Variants in TECTA observed in about 807,000 individuals in gnomAD.
TECTA encodes the protein tectorin alpha.
A neutral mutation model predicts 216.8 loss-of-function variants in TECTA; 128 were observed. The observed-to-expected ratio is 0.59, with a 90% confidence interval of 0.51 to 0.68. The LOEUF is 0.68. Among genes scored for constraint, TECTA ranks in the 30% least tolerant of loss-of-function variants. The pLI, the probability that TECTA is intolerant of heterozygous loss-of-function variation, is 0.00. For synonymous variants in TECTA, 1,089 were observed against 1,117.1 expected (o/e 0.97, Z 0.50); for missense variants, 2,551 against 2,786.2 (o/e 0.92, Z 1.90).
intron 2 of TECTA, among the ~76,000 whole-genome samples, chr11:121,104,967 C>A (rs1490319393): frequency 1.3e-5 from 2 of 152,228 alleles, no homozygotes. Context: ...TTCACAGATG[C>A]TATTGGACTT....
Position 121,118,577 on chromosome 11 carries a change from G to A in TECTA, c.1062G>A (p.Gln354=), listed in dbSNP as rs1266513938. ...CAYLLARQCL[Q]TSSLPFFSVE... is the part of the protein sequence containing the mutation. ...ACTTGCTGGCCCGACAGTGTTTGCA[G>A]ACTTCCAGCCTCCCTTTCTTCAGTG... is the stretch of plus-strand genomic sequence containing the variant. The change falls in exon 7 of 24, where the codon CAG becomes CAA. Residue 354 remains glutamine, a synonymous_variant. Coordinates refer to ENST00000392793, the MANE Select transcript of TECTA (RefSeq NM_005422.4). 8.7e-6 allele frequency: 14 copies of A among 1,614,164 alleles called. No individual in the cohort carries two copies. Among genetic ancestry groups the A allele is most frequent in the Non-Finnish European group, 1.2e-5 (14 of 1,180,040 alleles).
intron 2 of TECTA, among the ~76,000 whole-genome samples, chr11:121,103,955 G>T (rs1946369128): frequency 1.3e-5 from 2 of 152,172 alleles, no homozygotes. Context: ...CACCTTTGCA[G>T]CAGAAGAGGA....
intron 6 of TECTA, among the ~76,000 whole-genome samples, chr11:121,115,161 C>G (rs1199199160): frequency 6.7e-6 from 1 of 149,690 alleles, no homozygotes; most frequent in East Asian, 2.0e-4. Context: ...ACCCATTCAC[C>G]CACCCATCCA....
intron 12 of TECTA, among the ~76,000 whole-genome samples, chr11:121,151,364 A>T (rs1027027741): frequency 6.6e-6 from 1 of 152,236 alleles, no homozygotes; most frequent in Non-Finnish European, 1.5e-5. Flanking sequence ...TGTTCACTGC[A>T]GCATCAGCAT....
chr11:121,136,502 A>T (rs1212658761), intron 10 of TECTA, among the ~76,000 whole-genome samples: 2 of 152,202 alleles, frequency 1.3e-5, no homozygotes, highest in African/African-American at 4.8e-5. Flanking sequence ...GCCAATTTGC[A>T]GAGTAAAAAT....
At position 121,105,718 on chromosome 11, in the gene TECTA, C is replaced by T. The variant is rs1946383856; in HGVS notation, c.65-113C>T. The T allele has an allele frequency of 4.4e-6, 6 of 1,366,710 alleles. No individual in the cohort carries two copies. The highest frequency in any genetic ancestry group is 5.1e-6 in the Non-Finnish European group (5 of 982,144). The allele number at this position is 1,366,710 out of a possible 1,614,324, so 84.7% of individuals were successfully genotyped here. A position where few individuals can be genotyped will look rare whatever the true frequency, so the allele number is the denominator to read the frequency against. On this transcript the variant is annotated intron_variant, in intron 2 of 23. Coordinates refer to ENST00000392793, the MANE Select transcript of TECTA (RefSeq NM_005422.4). This position sits in a 1 kb window ranked among gnomAD's most constrained non-coding sequence, Gnocchi z 5.3. ...ATGAATGACAGGGCAGTATGACTTG[C>T]ATTCAGCTTGCAAGCCCTACTGAAA...
intron 11 of TECTA, among the ~76,000 whole-genome samples, chr11:121,142,759 G>T (rs1006353749): frequency 3.3e-5 from 5 of 152,090 alleles, no homozygotes; most frequent in African/African-American, 1.2e-4. Flanking sequence ...GACTGTCACT[G>T]CACCTCTCCA....
At chr11:121,188,289 A>G (rs1194397167) in intron 21 of TECTA, among the ~76,000 whole-genome samples, 1 of 152,188 alleles carries the variant, frequency 6.6e-6, no homozygotes, top group Non-Finnish European at 1.5e-5. Context: ...TGTTCTGTGC[A>G]CTGTAGGATG....
At position 121,166,680 on chromosome 11, in the gene TECTA, G is replaced by A. The variant is rs1450140431; in HGVS notation, c.5486G>A (p.Gly1829Asp). ...KLFQLGFERE[G>D]VRINDRQCTG... is the part of the protein sequence containing the mutation. ...TTCCAGCTCGGTTTTGAGAGGGAGG[G>A]CGTGAGGATCAATGACAGACAGTGC... The change falls in exon 18 of 24, where the codon GGC (glycine) becomes GAC (aspartate). Residue 1829 changes from glycine (G) to aspartate (D), a missense_variant. This residue lies in a region of TECTA where 2,375 missense variants were observed against 2,563.9 expected (regional missense o/e 0.93). Coordinates refer to ENST00000392793, the MANE Select transcript of TECTA (RefSeq NM_005422.4). The A allele has an allele frequency of 6.2e-7, 1 of 1,614,190 alleles. No homozygotes were observed. Among genetic ancestry groups the A allele is most frequent in the South Asian group, 1.1e-5 (1 of 91,082 alleles).
Position 121,166,573 on chromosome 11 carries a change from C to T in TECTA, c.5384-5C>T. On this transcript the variant is annotated splice_region_variant and splice_polypyrimidine_tract_variant and intron_variant, in intron 17 of 23. Coordinates refer to ENST00000392793, the MANE Select transcript of TECTA (RefSeq NM_005422.4). ...ATTTGCCTTTCGTAATAACTGTTCC[C>T]ACAGACTCACATGACATTATCGATG... The T allele has an allele frequency of 6.2e-7, 1 of 1,614,102 alleles. No individual in the cohort carries two copies.
chr11:121,175,081 T>G (rs1156903197), intron 20 of TECTA, among the ~76,000 whole-genome samples: 27 of 152,172 alleles, frequency 1.8e-4, no homozygotes, highest in Non-Finnish European at 1.0e-4. Context: ...TTCTTCTCTC[T>G]TTTCTTCTTT....
At position 121,165,606 on chromosome 11, in the gene TECTA, G is replaced by A. The variant is rs2276057; in HGVS notation, c.5383+223G>A. On this transcript the variant is annotated intron_variant, in intron 17 of 23. Coordinates refer to ENST00000392793, the MANE Select transcript of TECTA (RefSeq NM_005422.4). ...AATTTGTACATGAATGGAACCAGCC[G>A]GTTCCATCTGAGGCCACATTCAACA... Among the ~76,000 whole-genome samples the A allele has an allele frequency of 0.21, 32,627 of 152,120 alleles. 3,923 individuals are homozygous for A. Among genetic ancestry groups the A allele is most frequent in the Non-Finnish European group, 0.27 (18,113 of 67,972 alleles).
intron 7 of TECTA, 131 bp downstream of exon 7, chr11:121,118,849 C>T (rs1946527627): frequency 4.6e-5 from 56 of 1,224,026 alleles, no homozygotes; most frequent in Non-Finnish European, 6.4e-5. Flanking sequence ...CAGCTCTCCC[C>T]GCCTTGCAAA....
rs763431691 is a variant in TECTA at position 121,125,454 on chromosome 11, C to T, written c.1356C>T (p.Ser452=). ...QHYASISVPG[S]YINSTCGLCG... The stretch of plus-strand genomic sequence containing the variant: ...ACGCCTCCATTTCCGTCCCAGGCTC[C>T]TATATAAACTCCACCTGTGGACTCT... The change falls in exon 8 of 24, where the codon TCC becomes TCT. Residue 452 remains serine, a synonymous_variant. Coordinates refer to ENST00000392793, the MANE Select transcript of TECTA (RefSeq NM_005422.4). 1.3e-5 allele frequency: 21 copies of T among 1,614,106 alleles called. No homozygotes were observed. Among genetic ancestry groups the T allele is most frequent in the Middle Eastern group, 1.6e-4 (1 of 6,084 alleles).
chr11:121,122,669 C>G (rs1438508755), intron 7 of TECTA, among the ~76,000 whole-genome samples: 2 of 91,592 alleles, frequency 2.2e-5, no homozygotes, highest in Non-Finnish European at 4.2e-5. Context: ...AAGCCTGTCT[C>G]TCCAAAAAAA....
intron 14 of TECTA, among the ~76,000 whole-genome samples, chr11:121,159,428 G>T (rs141736593): frequency 6.6e-6 from 1 of 152,276 alleles, no homozygotes; most frequent in Non-Finnish European, 1.5e-5. Context: ...TTTGAAAAAG[G>T]TGCCTACTTT....
At chr11:121,119,681 G>A (rs1946538131) in intron 7 of TECTA, among the ~76,000 whole-genome samples, 1 of 152,208 alleles carries the variant, frequency 6.6e-6, no homozygotes, top group Non-Finnish European at 1.5e-5. Context: ...CAGAACTGAT[G>A]CCAATGCAGG....
At position 121,127,745 on chromosome 11, in the gene TECTA, G is replaced by A. The variant is rs771190557; in HGVS notation, c.1775-7G>A. ...TGTTATCGGCTCTCTTCCTTTCCCC[G>A]CGTCAGTGTCCACAGTGCAGTGCCC... On this transcript the variant is annotated splice_region_variant and splice_polypyrimidine_tract_variant and intron_variant, in intron 8 of 23. Coordinates refer to ENST00000392793, the MANE Select transcript of TECTA (RefSeq NM_005422.4). The surrounding 1 kb of genome is among the most constrained non-coding windows in gnomAD (Gnocchi z 5.0). 1.9e-6 allele frequency: 3 copies of A among 1,613,796 alleles called. No individual in the cohort carries two copies. The highest frequency in any genetic ancestry group is 1.3e-5 in the African/African-American group (1 of 74,872).
At chr11:121,162,705 C>G (rs1947013924) in intron 16 of TECTA, among the ~76,000 whole-genome samples, 1 of 152,188 alleles carries the variant, frequency 6.6e-6, no homozygotes, top group African/African-American at 2.4e-5. Context: ...TTCCCAAACT[C>G]AGCTCCACCT....
Sources: allele counts gnomAD v4.1 joint callset (sites outside exome capture counted in the v4.1 genomes callset), GRCh38; gene constraint gnomAD v4.1.1; regional missense constraint gnomAD v4.1.1; non-coding constraint Gnocchi (gnomAD v3.1); transcripts MANE v1.5; gene names NCBI Gene and HGNC (gene_info 2026-07-23, HGNC 2026-07-21).